Variants in TMEM178B observed in about 807,000 individuals in gnomAD.
TMEM178B encodes transmembrane protein 178B.
In TMEM178B, 5 loss-of-function variants were observed where a neutral mutation model predicts 31.0. The ratio of observed to expected loss-of-function variants is 0.16; its 90% confidence interval spans 0.08 to 0.34. The LOEUF is 0.34. Among genes scored for constraint, TMEM178B ranks in the 10% least tolerant of loss-of-function variants. The pLI, the probability that TMEM178B is intolerant of heterozygous loss-of-function variation, is 1.00. For missense variants in TMEM178B, 275 were observed against 400.3 expected (o/e 0.69, Z 2.67); for synonymous variants, 164 against 164.0 (o/e 1.00, Z 0.00).
At chr7:141,277,225 A>C (rs1798280467) in intron 2 of TMEM178B, among the ~76,000 whole-genome samples, 1 of 152,230 alleles carries the variant, frequency 6.6e-6, no homozygotes, top group South Asian at 2.1e-4. Context: ...ACACCAACAC[A>C]TTATACAGCT....
chr7:141,087,473 A>G (rs1296544163), intron 1 of TMEM178B, among the ~76,000 whole-genome samples: 1 of 152,166 alleles, frequency 6.6e-6, no homozygotes, highest in Non-Finnish European at 1.5e-5. Context: ...CACTTTTTCA[A>G]TTAACTTGAT....
At position 141,074,177 on chromosome 7, in the gene TMEM178B, G is replaced by A. The variant is rs1794555067; in HGVS notation, c.-134G>A. On this transcript the variant is annotated 5_prime_UTR_variant, in exon 1 of 4. Coordinates refer to ENST00000565468, the MANE Select transcript of TMEM178B (RefSeq NM_001195278.2). This position sits in a 1 kb window ranked among gnomAD's most constrained non-coding sequence, Gnocchi z 5.1. Reference sequence around the variant, plus strand: ...GGCCGTGCTCCGGTAGGCGGGGGCCGAGGGGGCGCCGCGGCGCGAGTCCCT... The same window carrying A: ...GGCCGTGCTCCGGTAGGCGGGGGCCAAGGGGGCGCCGCGGCGCGAGTCCCT... The A allele has an allele frequency of 2.3e-6, 3 of 1,301,998 alleles. No homozygotes were observed. Among genetic ancestry groups the A allele is most frequent in the East Asian group, 2.7e-5 (1 of 36,584 alleles). 80.7% of individuals were successfully genotyped at this position (1,301,998 alleles called of 1,614,324 possible).
intron 2 of TMEM178B, among the ~76,000 whole-genome samples, chr7:141,216,986 G>A (rs1480597485): frequency 1.3e-5 from 2 of 152,136 alleles, no homozygotes; most frequent in East Asian, 1.9e-4. Context: ...GGAGGGGACA[G>A]GCAGCTGCAG....
At chr7:141,459,749 C>T (rs991329579) in intron 3 of TMEM178B, among the ~76,000 whole-genome samples, 10 of 152,278 alleles carry the variant, frequency 6.6e-5, no homozygotes, top group South Asian at 2.1e-4. Flanking sequence ...CCTTTGAACA[C>T]GCTGCCAATG....
At chr7:141,086,251 C>T (rs1226080725) in intron 1 of TMEM178B, among the ~76,000 whole-genome samples, 3 of 152,050 alleles carry the variant, frequency 2.0e-5, no homozygotes, top group Non-Finnish European at 2.9e-5. Context: ...AGGCTGGTCT[C>T]GAACTCTTGA....
rs1316610135 is a variant in TMEM178B at position 141,256,876 on chromosome 7, G to GT, written c.496+44173dup. 5.3e-5 allele frequency among the ~76,000 whole-genome samples: 8 copies of GT among 152,296 alleles called. No homozygotes were observed. In the East Asian group the frequency reaches 1.4e-3, roughly 26 times the overall value. ...GAATGGAATTATCAATTTCTGAAAT[G>GT]TGCAACACTAAGAAATGCCTATTTG... On this transcript the variant is annotated intron_variant, in intron 2 of 3. Coordinates refer to ENST00000565468, the MANE Select transcript of TMEM178B (RefSeq NM_001195278.2).
intron 2 of TMEM178B, among the ~76,000 whole-genome samples, chr7:141,343,550 GT>G (rs1762078965): frequency 6.4e-5 from 1 of 15,672 alleles, no homozygotes; most frequent in African/African-American, 2.5e-4. Flanking sequence ...TTTTTTTTTT[GT>G]GAGATGGAGT....
At chr7:141,264,688 T>C (rs1798066419) in intron 2 of TMEM178B, among the ~76,000 whole-genome samples, 1 of 152,232 alleles carries the variant, frequency 6.6e-6, no homozygotes, top group Non-Finnish European at 1.5e-5. Flanking sequence ...AGGATAAATA[T>C]ATCTTAACCT....
intron 2 of TMEM178B, among the ~76,000 whole-genome samples, chr7:141,214,840 C>T (rs1440405799): frequency 3.9e-5 from 6 of 152,010 alleles, no homozygotes; most frequent in Admixed American, 3.9e-4. Context: ...CTGATAAAAG[C>T]CATCTCAACG....
intron 2 of TMEM178B, 60 bp downstream of exon 2, chr7:141,212,764 T>G: frequency 9.0e-6 from 12 of 1,338,710 alleles, no homozygotes; most frequent in Non-Finnish European, 1.2e-5. Flanking sequence ...TTGGAGGGAT[T>G]GGAGGATTGG....
intron 3 of TMEM178B, among the ~76,000 whole-genome samples, chr7:141,454,111 A>G (rs1300770985): frequency 6.6e-6 from 1 of 152,174 alleles, no homozygotes; most frequent in Admixed American, 6.5e-5. Context: ...TATTTAAAAT[A>G]ATAATTAATA....
intron 2 of TMEM178B, among the ~76,000 whole-genome samples, chr7:141,383,610 G>C (rs2116591605): frequency 6.6e-6 from 1 of 152,246 alleles, no homozygotes; most frequent in South Asian, 2.1e-4. Flanking sequence ...TCTTAATCCA[G>C]TATATCATTG....
chr7:141,424,736 T>C (rs972198154), intron 2 of TMEM178B, among the ~76,000 whole-genome samples: 4 of 152,336 alleles, frequency 2.6e-5, no homozygotes, highest in Middle Eastern at 3.4e-3. Flanking sequence ...TAGACATGCA[T>C]GGCAGCACAG....
rs556318303 is a variant in TMEM178B, at chr7:141,260,681, T to G, written c.496+47977T>G. 3.9e-5 allele frequency among the ~76,000 whole-genome samples: 6 copies of G among 152,326 alleles called. No individual in the cohort carries two copies. The East Asian group carries it at 1.2e-3, about 29-fold the overall frequency. On this transcript the variant is annotated intron_variant, in intron 2 of 3. Coordinates refer to ENST00000565468, the MANE Select transcript of TMEM178B (RefSeq NM_001195278.2). ...GGTGCATCTTCTAGAAGTTTCTATT[T>G]TACTTGAAGATTTGGAGTGAATGTT...
At chr7:141,122,493 AG>A (rs1366340126) in intron 1 of TMEM178B, among the ~76,000 whole-genome samples, 2 of 152,212 alleles carry the variant, frequency 1.3e-5, no homozygotes, top group Non-Finnish European at 2.9e-5. Flanking sequence ...TGTGAAACAA[AG>A]GGATGTTGAT....
chr7:141,488,270 C>A, the TMEM178B span, among the ~76,000 whole-genome samples: 1 of 152,172 alleles, frequency 6.6e-6, no homozygotes, highest in East Asian at 1.9e-4. Flanking sequence ...GGTTTCTAGC[C>A]CCCAGAGGTC....
At chr7:141,354,209 A>G (rs1799781363) in intron 2 of TMEM178B, among the ~76,000 whole-genome samples, 1 of 152,212 alleles carries the variant, frequency 6.6e-6, no homozygotes, top group African/African-American at 2.4e-5. Context: ...AGCAATATAT[A>G]TGATTTGAGT....
chr7:141,124,876 C>T (rs1030510737), intron 1 of TMEM178B, among the ~76,000 whole-genome samples: 1 of 152,150 alleles, frequency 6.6e-6, no homozygotes, highest in South Asian at 2.1e-4. Flanking sequence ...CCATCACTTT[C>T]CTCCTCCCTA....
the TMEM178B span, among the ~76,000 whole-genome samples, chr7:141,489,264 C>G: frequency 1.3e-5 from 2 of 152,226 alleles, no homozygotes; most frequent in African/African-American, 4.8e-5. Flanking sequence ...CAGCTCCAGC[C>G]TTGATCTGGA....
Sources: allele counts gnomAD v4.1 joint callset (sites outside exome capture counted in the v4.1 genomes callset), GRCh38; gene constraint gnomAD v4.1.1; non-coding constraint Gnocchi (gnomAD v3.1); transcripts MANE v1.5; gene names NCBI Gene and HGNC (gene_info 2026-07-23, HGNC 2026-07-21).